The following ACP6 variants were observed in gnomAD, a reference collection of about 807,000 sequenced individuals.
ACP6 encodes acid phosphatase 6, lysophosphatidic.
In ACP6, 48 loss-of-function variants were observed where a neutral mutation model predicts 48.1. That is an observed-to-expected ratio of 1.00 (90% CI 0.79 to 1.27). ACP6 has a LOEUF of 1.27. Among genes scored for constraint, ACP6 ranks in the 50% most tolerant of loss-of-function variants. ACP6 has a pLI of 0.00. For missense variants in ACP6, 485 were observed against 529.1 expected (o/e 0.92, Z 0.82); for synonymous variants, 172 against 204.2 (o/e 0.84, Z 1.34).
chr1:147,638,377 T>C (rs1659354759), downstream of ACP6, among the ~76,000 whole-genome samples: 1 of 152,238 alleles, frequency 6.6e-6, no homozygotes, highest in Admixed American at 6.5e-5. Flanking sequence ...TCCTAAAGGA[T>C]GGAGCATCAA....
downstream of ACP6, among the ~76,000 whole-genome samples, chr1:147,641,480 T>A (rs991277458): frequency 2.6e-5 from 4 of 152,184 alleles, no homozygotes; most frequent in Non-Finnish European, 4.4e-5. Flanking sequence ...GGAAGAGCTA[T>A]CAGGGGAGCC....
In ACP6 at chr1:147,670,071, C is replaced by G; in HGVS notation, c.-23G>C. 1.4e-6 allele frequency: 2 copies of G among 1,481,270 alleles called. No individual in the cohort carries two copies. The highest frequency in any genetic ancestry group is 1.8e-6 in the Non-Finnish European group (2 of 1,105,816). 91.8% of individuals were successfully genotyped at this position (1,481,270 alleles called of 1,614,324 possible). ...CATGGTGGTAGGCCCTCGCTGCCCT[C>G]CGGGTTGAGGCTGCAGGAGGCAAAC... On this transcript the variant is annotated 5_prime_UTR_variant, in exon 1 of 10. Coordinates refer to ENST00000583509, the MANE Select transcript of ACP6 (RefSeq NM_016361.5).
intron 5 of ACP6, among the ~76,000 whole-genome samples, chr1:147,631,657 T>C (rs978197145): frequency 2.6e-5 from 4 of 151,922 alleles, no homozygotes; most frequent in African/African-American, 9.7e-5. Context: ...CTACTAAAAA[T>C]ACAAAAATTA....
rs1660107715 is a variant in ACP6 at position 147,654,181 on chromosome 1, C to A, written c.780+13G>T. On this transcript the variant is annotated intron_variant, in intron 6 of 9. Coordinates refer to ENST00000583509, the MANE Select transcript of ACP6 (RefSeq NM_016361.5). ...AAGGCTATTATCCCAGGCTCCCCAA[C>A]CCCAGGACTCACCTGCTCGGCAGCC... 1 of 1,613,676 alleles carries A rather than the reference C, an allele frequency of 6.2e-7. No homozygotes were observed. Among genetic ancestry groups the A allele is most frequent in the Non-Finnish European group, 8.5e-7 (1 of 1,179,836 alleles).
At chr1:147,647,982 C>A (rs78892313) in intron 9 of ACP6, 35 of 518,934 alleles carry the variant, frequency 6.7e-5, no homozygotes, top group Non-Finnish European at 4.1e-5. Context: ...CTGACAGGGA[C>A]GCTCAGGAGA....
chr1:147,648,517 A>T, intron 8 of ACP6, 106 bp from the exon 9 acceptor site: 1 of 1,326,000 alleles, frequency 7.5e-7, no homozygotes, highest in Non-Finnish European at 1.0e-6. Flanking sequence ...AAACTAGGTG[A>T]CATCTAGAAA....
intron 1 of ACP6, among the ~76,000 whole-genome samples, chr1:147,660,499 T>C (rs1193349531): frequency 6.6e-6 from 1 of 152,220 alleles, no homozygotes; most frequent in South Asian, 2.1e-4. Context: ...TCCCTCTCAA[T>C]GTTACCACAG....
chr1:147,635,870 G>A (rs1659285452), intron 5 of ACP6, among the ~76,000 whole-genome samples: 1 of 152,162 alleles, frequency 6.6e-6, no homozygotes. Flanking sequence ...GAAGAAAACA[G>A]AAATGATCTA....
chr1:147,639,571 G>T (rs1553208403), downstream of ACP6, among the ~76,000 whole-genome samples: 1 of 152,180 alleles, frequency 6.6e-6, no homozygotes, highest in Admixed American at 6.5e-5. Context: ...TCAGCAATTT[G>T]TGGTCTCTGG....
At chr1:147,669,745 G>A (rs1048438879) in intron 1 of ACP6, 85 bp downstream of exon 1, 9 of 1,370,502 alleles carry the variant, frequency 6.6e-6, no homozygotes, top group Non-Finnish European at 6.9e-6. Flanking sequence ...CGCGAGTAAA[G>A]CTCTGAAGAT....
Position 147,662,811 on chromosome 1 carries a change from A to G in ACP6, c.220-3036T>C, listed in dbSNP as rs587684027. On this transcript the variant is annotated intron_variant, in intron 1 of 9. Coordinates refer to ENST00000583509, the MANE Select transcript of ACP6 (RefSeq NM_016361.5). ...GATGTTCTATTGTGGGTAAAATGCTATTAAACTGTGTCATAAGCTACAGAG... is the reference window on the plus strand; with the variant it reads ...GATGTTCTATTGTGGGTAAAATGCTGTTAAACTGTGTCATAAGCTACAGAG... Among the ~76,000 whole-genome samples the G allele has an allele frequency of 7.2e-5, 11 of 152,364 alleles. 1 individual carries two copies. The South Asian group carries it at 2.3e-3, about 32-fold the overall frequency.
intron 9 of ACP6, 141 bp downstream of exon 9, chr1:147,648,105 T>C (rs1176502655): frequency 3.2e-6 from 3 of 929,402 alleles, no homozygotes; most frequent in Non-Finnish European, 4.8e-6. Context: ...TAGCCAGGAG[T>C]TGCCCTATAG....
chr1:147,664,458 CT>C (rs1206096397), intron 1 of ACP6, among the ~76,000 whole-genome samples: 2 of 152,170 alleles, frequency 1.3e-5, no homozygotes, highest in African/African-American at 4.8e-5. Context: ...TAAGACTTAG[CT>C]TAAGTGTTCC....
At chr1:147,650,813 T>C (rs11577090) in intron 7 of ACP6, 49,833 of 152,130 alleles carry the variant, frequency 0.33, 9,986 homozygotes, top group Non-Finnish European at 0.45. Context: ...TGTCACATCA[T>C]GGCCACAGGT....
chr1:147,630,132 CAA>C (rs1659123682), exon 6 of ACP6: 7 of 152,150 alleles, frequency 4.6e-5, no homozygotes, highest in African/African-American at 1.7e-4. Flanking sequence ...CCTGGGGTTC[CAA>C]AGAACAGGTT....
At chr1:147,655,388 C>T (rs1234786888) in intron 4 of ACP6, 140 bp from the exon 5 acceptor site, 2 of 654,876 alleles carry the variant, frequency 3.1e-6, no homozygotes, top group Non-Finnish European at 5.2e-6. Context: ...TCCTTAAGGA[C>T]AGAAAATGCC....
chr1:147,634,943 CT>C (rs1166504534), intron 5 of ACP6, among the ~76,000 whole-genome samples: 1 of 152,228 alleles, frequency 6.6e-6, no homozygotes, highest in African/African-American at 2.4e-5. Context: ...CTTCTATCTA[CT>C]GGTCTGTTAA....
intron 4 of ACP6, among the ~76,000 whole-genome samples, chr1:147,657,665 C>CGCCTCGGCCTCG (rs1660327712): frequency 6.6e-6 from 1 of 152,082 alleles, no homozygotes; most frequent in East Asian, 1.9e-4. Flanking sequence ...ATGATCCACC[C>CGCCTCGGCCTCG]GCCTCAGCCT....
intron 1 of ACP6, among the ~76,000 whole-genome samples, chr1:147,667,622 C>T (rs782614479): frequency 1.9e-4 from 29 of 152,262 alleles, no homozygotes; most frequent in Non-Finnish European, 4.0e-4. Flanking sequence ...AATCAGGAAA[C>T]ATGTACCAAA....
Sources: gnomAD v4.1 joint callset for allele counts (sites outside exome capture counted in the v4.1 genomes callset) on GRCh38, gnomAD v4.1.1 for gene constraint, MANE v1.5 for transcripts, NCBI Gene and HGNC (gene_info 2026-07-23, HGNC 2026-07-21) for gene names.